SLC30A8: variants seen among roughly 807,000 people sequenced by gnomAD.
The protein encoded by SLC30A8 is solute carrier family 30 member 8, also known as proton-coupled zinc antiporter SLC30A8.
Under a neutral mutation model 36.9 loss-of-function variants are expected in SLC30A8, and 27 were observed. The ratio of observed to expected loss-of-function variants is 0.73; its 90% confidence interval spans 0.54 to 1.01. SLC30A8 has a LOEUF of 1.01. Ranked by LOEUF, SLC30A8 falls within the 50% of genes least tolerant of loss-of-function variation. SLC30A8 has a pLI of 0.00. For missense variants in SLC30A8, 439 were observed against 452.0 expected, an observed-to-expected ratio of 0.97 and a Z score of 0.26; for synonymous variants, 164 against 172.4, an observed-to-expected ratio of 0.95 and a Z score of 0.38.
At chr8:117,058,059 A>G (rs891667327) in intron 2 of SLC30A8, among the ~76,000 whole-genome samples, 1 of 152,030 alleles carries the variant, frequency 6.6e-6, no homozygotes, top group Non-Finnish European at 1.5e-5. Context: ...TTGTTATCTC[A>G]TGTCTTTTTG....
At chr8:116,984,650 G>C (rs73312238) in intron 1 of SLC30A8, among the ~76,000 whole-genome samples, 13,126 of 151,890 alleles carry the variant, frequency 0.086, 1,876 homozygotes, top group African/African-American at 0.3. Context: ...GGTTGTTTGC[G>C]TTTTATTTTT....
chr8:116,955,722 CAA>C (rs61311411), intron 1 of SLC30A8, among the ~76,000 whole-genome samples: 81 of 135,614 alleles, frequency 6.0e-4, no homozygotes, highest in Non-Finnish European at 6.0e-4. Context: ...GACTCTGTCT[CAA>C]AAAAAAAAAA....
chr8:117,063,451 A>T (rs1008622013), intron 2 of SLC30A8, among the ~76,000 whole-genome samples: 1 of 152,202 alleles, frequency 6.6e-6, no homozygotes, highest in Admixed American at 6.5e-5. Flanking sequence ...AGCAAAATAT[A>T]AATCAGGCCA....
intron 1 of SLC30A8, among the ~76,000 whole-genome samples, chr8:117,009,794 G>A (rs2062948): frequency 0.031 from 4,725 of 152,272 alleles, 252 homozygotes; most frequent in African/African-American, 0.11. Context: ...TACCTGGGAA[G>A]ATTGTTGACT....
chr8:116,952,505 C>A (rs943032126), intron 1 of SLC30A8, among the ~76,000 whole-genome samples: 1 of 151,892 alleles, frequency 6.6e-6, no homozygotes. Flanking sequence ...AGTGCAGAGG[C>A]ATGATTTCTG....
intron 2 of SLC30A8, among the ~76,000 whole-genome samples, chr8:117,058,495 C>T (rs1008232102): frequency 1.3e-5 from 2 of 152,068 alleles, no homozygotes; most frequent in Non-Finnish European, 2.9e-5. Flanking sequence ...AGGGCTCCAC[C>T]CTCATGACCT....
At chr8:117,144,532 C>T (rs1821809498) in intron 1 of SLC30A8, among the ~76,000 whole-genome samples, 1 of 151,644 alleles carries the variant, frequency 6.6e-6, no homozygotes, top group Non-Finnish European at 1.5e-5. Context: ...ATAGTAGTGC[C>T]TATATGAGCA....
rs368336900 is a variant in SLC30A8, at chr8:117,153,016, T to C, written c.344T>C (p.Leu115Pro). 2.5e-6 allele frequency: 4 copies of C among 1,613,830 alleles called. No homozygotes were observed. The highest frequency in any genetic ancestry group is 1.3e-5 in the African/African-American group (1 of 75,050). ...CTCTTAATTGACCTGACCAGTTTCC[T>C]GCTCAGTCTCTTCTCCCTGTGGTTG... is the stretch of plus-strand genomic sequence containing the variant. ...AHLLIDLTSFLLSLFSLWLSS... is the reference protein window; with the variant it reads ...AHLLIDLTSFPLSLFSLWLSS... The change falls in exon 3 of 8, where the codon CTG becomes CCG. Residue 115 changes from leucine (L) to proline (P), a missense_variant. Coordinates refer to ENST00000456015, the MANE Select transcript of SLC30A8 (RefSeq NM_173851.3).
intron 3 of SLC30A8, 72 bp from the exon 4 acceptor site, chr8:117,157,619 G>A: frequency 6.5e-7 from 1 of 1,542,698 alleles, no homozygotes; most frequent in Non-Finnish European, 8.8e-7. Context: ...AGTGTCTTAT[G>A]ACTCTTGGGG....
chr8:117,126,635 T>C (rs1359714903), intron 2 of SLC30A8, among the ~76,000 whole-genome samples: 1 of 152,030 alleles, frequency 6.6e-6, no homozygotes, highest in Non-Finnish European at 1.5e-5. Flanking sequence ...ATATGCCAGA[T>C]ACCGTTTATG....
intron 1 of SLC30A8, among the ~76,000 whole-genome samples, chr8:116,963,350 T>C (rs1040850352): frequency 6.6e-6 from 1 of 152,044 alleles, no homozygotes; most frequent in African/African-American, 2.4e-5. Context: ...TAGCACTTTA[T>C]AGTGTGATGC....
intron 4 of SLC30A8, among the ~76,000 whole-genome samples, chr8:117,160,127 G>A (rs537017628): frequency 5.3e-4 from 80 of 152,286 alleles, no homozygotes; most frequent in African/African-American, 1.8e-3. Flanking sequence ...TCGGAATTGC[G>A]ATTCAGGAAT....
intron 2 of SLC30A8, among the ~76,000 whole-genome samples, chr8:117,043,844 G>T (rs1422946432): frequency 6.6e-6 from 1 of 152,162 alleles, no homozygotes; most frequent in African/African-American, 2.4e-5. Context: ...ATATGAAAAG[G>T]TAAGTTCAAA....
At chr8:117,138,080 AGAAAAAG>A (rs1821451173) in intron 1 of SLC30A8, among the ~76,000 whole-genome samples, 2 of 146,222 alleles carry the variant, frequency 1.4e-5, no homozygotes, top group Non-Finnish European at 1.5e-5. Context: ...AAAAAAAAAA[AGAAAAAG>A]AAAAAAAAAA....
intron 2 of SLC30A8, among the ~76,000 whole-genome samples, chr8:117,078,563 C>T (rs1463122492): frequency 6.6e-6 from 1 of 152,106 alleles, no homozygotes; most frequent in East Asian, 1.9e-4. Flanking sequence ...ACACTCAGTT[C>T]CTCATCTGCA....
At chr8:117,161,643 T>C in intron 4 of SLC30A8, 95 bp from the exon 5 acceptor site, 3 of 1,180,092 alleles carry the variant, frequency 2.5e-6, no homozygotes, top group Non-Finnish European at 3.6e-6. Context: ...ATCCATCATT[T>C]TGGATAATGC....
At position 117,117,267 on chromosome 8, in the gene SLC30A8, T is replaced by C. The variant is rs1000008555; in HGVS notation, c.-225-18013T>C. On this transcript the variant is annotated intron_variant, in intron 2 of 10. Coordinates refer to the SLC30A8 transcript ENST00000427715. ...CTTATTTAATCCTGCAACAACCCTATGTAACAGGTATTATTGTCATCCCAA... is the reference window on the plus strand; with the variant it reads ...CTTATTTAATCCTGCAACAACCCTACGTAACAGGTATTATTGTCATCCCAA... Among the ~76,000 whole-genome samples, 3 of 151,868 alleles carry C rather than the reference T, an allele frequency of 2.0e-5. No individual in the cohort carries two copies. In the South Asian group the frequency reaches 6.2e-4, roughly 31 times the overall value.
At chr8:117,162,094 A>T (rs1350084271) in intron 5 of SLC30A8, among the ~76,000 whole-genome samples, 1 of 152,200 alleles carries the variant, frequency 6.6e-6, no homozygotes, top group Non-Finnish European at 1.5e-5. Context: ...TTGGATTATA[A>T]GCAATAGGGA....
chr8:117,170,081 G>C (rs925635203), intron 6 of SLC30A8, among the ~76,000 whole-genome samples: 1 of 152,116 alleles, frequency 6.6e-6, no homozygotes, highest in Non-Finnish European at 1.5e-5. Context: ...TCTCAATCTT[G>C]GCTGCCTGAT....
Sources: allele counts gnomAD v4.1 joint callset (sites outside exome capture counted in the v4.1 genomes callset), GRCh38; gene constraint gnomAD v4.1.1; transcripts MANE v1.5; gene names NCBI Gene and HGNC (gene_info 2026-07-23, HGNC 2026-07-21).